The following FBXL17 variants were observed in gnomAD, a reference collection of about 807,000 sequenced individuals.
FBXL17 encodes F-box/LRR-repeat protein 17.
A neutral mutation model predicts 66.2 loss-of-function variants in FBXL17; 22 were observed. That is an observed-to-expected ratio of 0.33 (90% CI 0.24 to 0.47). The LOEUF is 0.47. FBXL17 is among the 20% of genes least tolerant of loss of function. The pLI is 1.00. For synonymous variants in FBXL17, 474 were observed against 400.5 expected, an observed-to-expected ratio of 1.18 and a Z score of -2.19; for missense variants, 878 against 948.2, an observed-to-expected ratio of 0.93 and a Z score of 0.97.
chr5:108,244,804 A>G (rs1756019278), intron 4 of FBXL17, among the ~76,000 whole-genome samples: 1 of 152,218 alleles, frequency 6.6e-6, no homozygotes, highest in Non-Finnish European at 1.5e-5. Context: ...CAAAACTTCC[A>G]GTTAGTAAAA....
chr5:108,071,113 C>T (rs1235828676), intron 6 of FBXL17, among the ~76,000 whole-genome samples: 1 of 152,204 alleles, frequency 6.6e-6, no homozygotes, highest in Non-Finnish European at 1.5e-5. Flanking sequence ...TATATGTTCA[C>T]TGAGATACAA....
intron 4 of FBXL17, among the ~76,000 whole-genome samples, chr5:108,335,737 TA>T (rs556765001): frequency 7.0e-4 from 106 of 152,234 alleles, no homozygotes; most frequent in African/African-American, 2.4e-3. Flanking sequence ...ATTATATTCT[TA>T]AAAAAACCCT....
intron 7 of FBXL17, among the ~76,000 whole-genome samples, chr5:108,016,621 C>T (rs1479571621): frequency 6.6e-6 from 1 of 152,052 alleles, no homozygotes; most frequent in Non-Finnish European, 1.5e-5. Flanking sequence ...TTCATCCATC[C>T]CGTTCAGTAC....
intron 4 of FBXL17, among the ~76,000 whole-genome samples, chr5:108,231,943 C>A (rs2150086492): frequency 6.6e-6 from 1 of 152,220 alleles, no homozygotes; most frequent in East Asian, 1.9e-4. Context: ...CCAGACTCCA[C>A]AGGGATGAAG....
At chr5:108,252,196 A>G (rs1426496422) in intron 4 of FBXL17, among the ~76,000 whole-genome samples, 1 of 152,260 alleles carries the variant, frequency 6.6e-6, no homozygotes, top group African/African-American at 2.4e-5. Context: ...CAATTTGCCA[A>G]TATCTTGTAA....
At chr5:108,203,379 G>A (rs893816158) in intron 5 of FBXL17, among the ~76,000 whole-genome samples, 4 of 152,132 alleles carry the variant, frequency 2.6e-5, no homozygotes, top group Admixed American at 6.6e-5. Context: ...CAATAAATGC[G>A]TTGCTGGCCT....
chr5:108,134,832 C>T (rs963888178), intron 6 of FBXL17, among the ~76,000 whole-genome samples: 3 of 152,156 alleles, frequency 2.0e-5, no homozygotes, highest in South Asian at 2.1e-4. Flanking sequence ...GATGAAGATG[C>T]TTTGTCCCCC....
intron 6 of FBXL17, among the ~76,000 whole-genome samples, chr5:108,085,023 T>G (rs138713989): frequency 1.4e-4 from 21 of 152,334 alleles, no homozygotes; most frequent in African/African-American, 4.3e-4. Flanking sequence ...TTATCTAAGC[T>G]CCCTGATTCT....
intron 7 of FBXL17, among the ~76,000 whole-genome samples, chr5:107,989,590 A>G (rs1183725216): frequency 1.3e-5 from 2 of 152,120 alleles, no homozygotes; most frequent in Non-Finnish European, 2.9e-5. Context: ...TAGTGCTGCA[A>G]TAGTAATAGA....
intron 4 of FBXL17, 40 bp from the exon 5 acceptor site, chr5:108,224,268 TCC>T (rs1340641512): frequency 8.4e-7 from 1 of 1,192,696 alleles, no homozygotes; most frequent in East Asian, 2.4e-5. Flanking sequence ...AAGGTAATAG[TCC>T]AGTGAACTCA....
intron 7 of FBXL17, among the ~76,000 whole-genome samples, chr5:107,913,672 A>C (rs998578566): frequency 1.3e-5 from 2 of 152,072 alleles, no homozygotes; most frequent in African/African-American, 2.4e-5. Flanking sequence ...AAAGGAGCAC[A>C]CTCTAACGCT....
intron 4 of FBXL17, among the ~76,000 whole-genome samples, chr5:108,288,500 A>C (rs961786421): frequency 6.8e-6 from 1 of 147,180 alleles, no homozygotes; most frequent in Non-Finnish European, 1.5e-5. Context: ...AAACAACCAC[A>C]AGTTACAAAA....
At chr5:107,958,263 A>AT (rs1751745761) in intron 7 of FBXL17, among the ~76,000 whole-genome samples, 1 of 151,570 alleles carries the variant, frequency 6.6e-6, no homozygotes, top group African/African-American at 2.4e-5. Flanking sequence ...CTGCTTCTTT[A>AT]TTTTTTCATA....
intron 6 of FBXL17, among the ~76,000 whole-genome samples, chr5:108,140,339 C>T (rs149077362): frequency 1.3e-5 from 2 of 152,318 alleles, no homozygotes; most frequent in Non-Finnish European, 2.9e-5. Context: ...GCCACTGCGC[C>T]TGGCAACCCA....
chr5:107,884,886 C>T (rs1014094833), intron 7 of FBXL17, among the ~76,000 whole-genome samples: 1 of 152,132 alleles, frequency 6.6e-6, no homozygotes, highest in Non-Finnish European at 1.5e-5. Context: ...TTCCCCAATC[C>T]ATCCTACAGT....
intron 4 of FBXL17, among the ~76,000 whole-genome samples, chr5:108,303,910 G>A (rs778869053): frequency 6.6e-5 from 10 of 151,688 alleles, no homozygotes; most frequent in African/African-American, 1.9e-4. Context: ...ATATAACAAC[G>A]TAACAAAATC....
chr5:108,289,925 C>G (rs894695630), intron 4 of FBXL17, among the ~76,000 whole-genome samples: 2 of 152,108 alleles, frequency 1.3e-5, no homozygotes, highest in Non-Finnish European at 2.9e-5. Flanking sequence ...AGGGGAAAGT[C>G]TTTGTGCAAG....
intron 7 of FBXL17, among the ~76,000 whole-genome samples, chr5:107,999,452 AACACACACAC>A (rs55900474): frequency 2.1e-5 from 3 of 144,436 alleles, no homozygotes; most frequent in Admixed American, 7.0e-5. Context: ...TTTTGTCAGA[AACACACACAC>A]ACACACACAC....
chr5:107,883,245 C>T (rs946369139), intron 7 of FBXL17, among the ~76,000 whole-genome samples: 2 of 152,112 alleles, frequency 1.3e-5, no homozygotes, highest in Non-Finnish European at 2.9e-5. Context: ...AATCAGGAAA[C>T]GGAGTCACAG....
Sources: allele counts gnomAD v4.1 joint callset (sites outside exome capture counted in the v4.1 genomes callset), GRCh38; gene constraint gnomAD v4.1.1; transcripts MANE v1.5; gene names NCBI Gene and HGNC (gene_info 2026-07-23, HGNC 2026-07-21).